The following RYR3 variants were observed in gnomAD, a reference collection of about 807,000 sequenced individuals.
The protein encoded by RYR3 is ryanodine receptor 3.
A neutral mutation model predicts 584.3 loss-of-function variants in RYR3; 207 were observed. That is an observed-to-expected ratio of 0.35 (90% CI 0.32 to 0.40). The LOEUF (loss-of-function observed/expected upper bound fraction) is 0.40. Among genes scored for constraint, RYR3 ranks in the 10% least tolerant of loss-of-function variants. The pLI is 1.00. For synonymous variants in RYR3, 2,416 were observed against 2,248.5 expected, an observed-to-expected ratio of 1.07 and a Z score of -2.11; for missense variants, 5,616 against 6,089.2, an observed-to-expected ratio of 0.92 and a Z score of 2.59.
chr15:33,723,806 T>G (rs181453234), intron 44 of RYR3, among the ~76,000 whole-genome samples: 3 of 152,364 alleles, frequency 2.0e-5, no homozygotes, highest in East Asian at 3.9e-4. Flanking sequence ...GTAGGAGTTA[T>G]GGTCTGATGA....
rs772677171 is a variant in RYR3, at chr15:33,788,269, A to G, written c.9641A>G (p.His3214Arg). 6.2e-6 allele frequency: 10 copies of G among 1,613,998 alleles called. No individual in the cohort carries two copies. Among genetic ancestry groups the G allele is most frequent in the African/African-American group, 1.3e-5 (1 of 75,052 alleles). The change falls in exon 67 of 104, where the codon CAC (histidine) becomes CGC (arginine). Residue 3214 changes from histidine (H) to arginine (R), a missense_variant. By Grantham distance (29) the His-to-Arg change is conservative. This residue lies in a region of RYR3 where 954 missense variants were observed against 1,132.2 expected (regional missense o/e 0.84). Transcript: ENST00000634891. The part of the protein sequence containing the change: ...SKARPDLLRS[H>R]FIPTLEKLKK... The stretch of plus-strand genomic sequence containing the variant: ...GCCAGGCCCGACCTGCTGAGAAGCC[A>G]CTTCATCCCAACTCTGGAGAAGCTG...
chr15:33,821,698 G>A, intron 80 of RYR3, 96 bp downstream of exon 80: 2 of 1,161,576 alleles, frequency 1.7e-6, no homozygotes, highest in Non-Finnish European at 2.6e-6. Flanking sequence ...CTACAGAGGG[G>A]AGCCACCCAG....
intron 1 of RYR3, among the ~76,000 whole-genome samples, chr15:33,442,436 G>T (rs1488428338): frequency 1.3e-5 from 2 of 152,238 alleles, no homozygotes; most frequent in East Asian, 3.9e-4. Context: ...TGTATTTAAT[G>T]CCTCTTTGCT....
chr15:33,639,256 T>C (rs922063862), intron 27 of RYR3, among the ~76,000 whole-genome samples: 3 of 152,224 alleles, frequency 2.0e-5, no homozygotes, highest in Admixed American at 6.5e-5. Flanking sequence ...TGTTTAATAA[T>C]AGAATTGTAC....
chr15:33,628,714 C>T (rs1284381046), intron 21 of RYR3, 139 bp downstream of exon 21: 2 of 592,426 alleles, frequency 3.4e-6, no homozygotes, highest in East Asian at 5.6e-5. Flanking sequence ...CAGACAGAAC[C>T]AGAAGTGTCT....
intron 1 of RYR3, among the ~76,000 whole-genome samples, chr15:33,426,601 C>A (rs945058541): frequency 1.3e-5 from 2 of 152,146 alleles, no homozygotes; most frequent in African/African-American, 4.8e-5. Context: ...GTACATATAA[C>A]CCTTTTGGGT....
Position 33,577,993 on chromosome 15 carries a change from A to G in RYR3, c.1269-1983A>G, listed in dbSNP as rs974344080. ...TCAAAAGAAGACATTTATGTGGCCA[A>G]CAAACATAGGAAGAAAAGCTCAACA... On this transcript the variant is annotated intron_variant, in intron 12 of 103. Transcript: ENST00000634891. 9.9e-5 allele frequency among the ~76,000 whole-genome samples: 15 copies of G among 152,260 alleles called. 1 individual carries two copies. The highest frequency in any genetic ancestry group is 1.5e-4 in the Non-Finnish European group (10 of 68,048).
intron 5 of RYR3, among the ~76,000 whole-genome samples, chr15:33,536,808 G>A (rs912196749): frequency 6.6e-6 from 1 of 152,134 alleles, no homozygotes; most frequent in Non-Finnish European, 1.5e-5. Context: ...CCCTCCTTTG[G>A]ATGCTTGCCT....
chr15:33,864,214 C>T (rs59611174), intron 103 of RYR3, 25 bp downstream of exon 103: 15 of 1,573,202 alleles, frequency 9.5e-6, no homozygotes, highest in Non-Finnish European at 1.3e-5. Flanking sequence ...ATCATATACC[C>T]GTGTTAGATC....
intron 19 of RYR3, among the ~76,000 whole-genome samples, chr15:33,615,950 C>T (rs972073651): frequency 2.0e-5 from 3 of 152,160 alleles, no homozygotes; most frequent in Admixed American, 6.5e-5. Context: ...TACAACACAA[C>T]AGTGTTGGGA....
chr15:33,638,337 C>T (rs2053757027), intron 27 of RYR3, among the ~76,000 whole-genome samples: 1 of 152,104 alleles, frequency 6.6e-6, no homozygotes. Context: ...CCCTCTGAGG[C>T]CAGGAGGAAA....
chr15:33,552,512 A>G (rs117329992), intron 10 of RYR3, among the ~76,000 whole-genome samples: 27 of 152,306 alleles, frequency 1.8e-4, no homozygotes, highest in South Asian at 4.1e-4. Context: ...GCACTTGGCA[A>G]TGTGGTTACA....
At chr15:33,738,611 A>G in intron 50 of RYR3, 21 bp downstream of exon 50, 2 of 1,613,332 alleles carry the variant, frequency 1.2e-6, no homozygotes, top group Non-Finnish European at 1.7e-6. Context: ...TACTTTCTGA[A>G]CAAAAAGAGA....
intron 52 of RYR3, among the ~76,000 whole-genome samples, chr15:33,745,176 A>C (rs2070567932): frequency 6.6e-6 from 1 of 152,126 alleles, no homozygotes; most frequent in Non-Finnish European, 1.5e-5. Context: ...AAGTGAGCAT[A>C]AGCTGGGGCT....
chr15:33,513,685 G>C (rs960144216), intron 3 of RYR3, among the ~76,000 whole-genome samples: 1 of 152,150 alleles, frequency 6.6e-6, no homozygotes, highest in Non-Finnish European at 1.5e-5. Flanking sequence ...TCTGAGTTCC[G>C]TGATGTTGCT....
intron 2 of RYR3, among the ~76,000 whole-genome samples, chr15:33,483,192 C>T (rs2050127041): frequency 6.6e-6 from 1 of 151,576 alleles, no homozygotes; most frequent in South Asian, 2.1e-4. Context: ...CTTCCATTAT[C>T]TCTCTCTTCT....
chr15:33,822,936 G>C, intron 80 of RYR3, 60 bp from the exon 81 acceptor site: 1 of 1,396,056 alleles, frequency 7.2e-7, no homozygotes, highest in African/African-American at 1.4e-5. Context: ...AGGATTAGGA[G>C]GGTCAGCTCT....
At chr15:33,790,524 CTG>C (rs1396500895) in intron 67 of RYR3, among the ~76,000 whole-genome samples, 2 of 152,146 alleles carry the variant, frequency 1.3e-5, no homozygotes, top group African/African-American at 4.8e-5. Context: ...TTGAGGAAGA[CTG>C]TGGATACATC....
chr15:33,496,038 A>G (rs2051389346), intron 2 of RYR3, among the ~76,000 whole-genome samples: 1 of 152,168 alleles, frequency 6.6e-6, no homozygotes, highest in African/African-American at 2.4e-5. Flanking sequence ...GTCCCATGAA[A>G]ACGTGGTCTT....
Sources: allele counts gnomAD v4.1 joint callset (sites outside exome capture counted in the v4.1 genomes callset), GRCh38; gene constraint gnomAD v4.1.1; regional missense constraint gnomAD v4.1.1; transcripts MANE v1.5; gene names NCBI Gene and HGNC (gene_info 2026-07-23, HGNC 2026-07-21).